The following TMEM94 variants were observed in gnomAD, a reference collection of about 807,000 sequenced individuals.
TMEM94 encodes transmembrane protein 94.
A neutral mutation model predicts 158.6 loss-of-function variants in TMEM94; 81 were observed. The ratio of observed to expected loss-of-function variants is 0.51; its 90% CI spans 0.43 to 0.61. TMEM94 has a LOEUF of 0.61. Among genes scored for constraint, TMEM94 ranks in the 20% least tolerant of loss-of-function variants. TMEM94 has a pLI of 0.00. For missense variants in TMEM94, 1,435 were observed against 1,762.0 expected, an observed-to-expected ratio of 0.81 and a Z score of 3.32; for synonymous variants, 751 against 730.7, an observed-to-expected ratio of 1.03 and a Z score of -0.45.
chr17:75,494,721 G>A lies in TMEM94; in HGVS notation c.2502G>A (p.Arg834=). 5 of 1,613,752 alleles carry A rather than the reference G, an allele frequency of 3.1e-6. No individual in the cohort carries two copies. Among genetic ancestry groups the A allele is most frequent in the Non-Finnish European group, 4.2e-6 (5 of 1,180,028 alleles). Residue 834 remains arginine (R), a synonymous_variant, in exon 19 of 32, where the codon CGG becomes CGA. Coordinates refer to ENST00000314256, the MANE Select transcript of TMEM94 (RefSeq NM_014738.6). The part of the protein sequence containing the change: ...MGMVSSQYQA[R]LDIVRLIDGL... ...TGGTGTCCTCCCAGTACCAGGCCCG[G>A]CTGGACATCGTGCGCCTCATTGATG...
chr17:75,489,425 G>C lies in TMEM94; in HGVS notation c.867+57G>C, dbSNP rs2051937175. 1 of 1,565,876 alleles carries C rather than the reference G, an allele frequency of 6.4e-7. No homozygotes were observed. Among genetic ancestry groups the C allele is most frequent in the Non-Finnish European group, 8.8e-7 (1 of 1,136,784 alleles). ...GGGGCAGAGGAGAGGGCTGGACACG[G>C]GGGGGTCTCAGGGCCACTCACATGA... On this transcript the variant is annotated intron_variant, in intron 8 of 31. Coordinates refer to ENST00000314256, the MANE Select transcript of TMEM94 (RefSeq NM_014738.6). This position sits in a 1 kb window ranked among gnomAD's most constrained non-coding sequence, Gnocchi z 5.0.
chr17:75,500,118 A>C lies in TMEM94; in HGVS notation c.*784A>C, dbSNP rs1479173264. 6.6e-6 allele frequency: 1 copy of C among 152,394 alleles called. No individual in the cohort carries two copies. The highest frequency in any genetic ancestry group is 1.5e-5 in the Non-Finnish European group (1 of 68,092). The allele number at this position is 152,394 out of a possible 1,614,324, so 9.4% of individuals were successfully genotyped here. On this transcript the variant is annotated 3_prime_UTR_variant, in exon 32 of 32. Coordinates refer to ENST00000314256, the MANE Select transcript of TMEM94 (RefSeq NM_014738.6). ...TGTGGCTGGTCTGTAAGGCCACTCC[A>C]GGGTCTGCCCACCCCCGGCGGTGGC...
chr17:75,463,548 G>T (rs548412174), intron 1 of TMEM94, among the ~76,000 whole-genome samples: 1 of 152,278 alleles, frequency 6.6e-6, no homozygotes, highest in South Asian at 2.1e-4. Flanking sequence ...CTCGTCTGTT[G>T]TTAGGGACAC....
intron 23 of TMEM94, 61 bp downstream of exon 23, chr17:75,496,135 TGGGCCTGCGTG>T: frequency 6.6e-7 from 1 of 1,509,970 alleles, no homozygotes; most frequent in South Asian, 1.2e-5. Flanking sequence ...GAGGATCAGA[TGGGCCTGCGTG>T]GGGCTGGGGG....
At position 75,498,808 on chromosome 17, in the gene TMEM94, G is replaced by T; in HGVS notation, c.3827+86G>T. On this transcript the variant is annotated intron_variant, in intron 30 of 31. Transcript: ENST00000314256. This position sits in a 1 kb window ranked among gnomAD's most constrained non-coding sequence, Gnocchi z 6.7. ...GCTAGGATCGGAGGGCGGGACCGGG[G>T]CCAGTGGTTTAACTGTACCCTGCCT... 1 of 1,523,562 alleles carries T rather than the reference G, an allele frequency of 6.6e-7. No individual in the cohort carries two copies. The highest frequency in any genetic ancestry group is 8.8e-7 in the Non-Finnish European group (1 of 1,134,204). 94.4% of individuals were successfully genotyped at this position (1,523,562 alleles called of 1,614,324 possible).
At chr17:75,486,182 C>T in intron 4 of TMEM94, 108 bp from the exon 5 acceptor site, 1 of 1,523,256 alleles carries the variant, frequency 6.6e-7, no homozygotes, top group Non-Finnish European at 8.9e-7. Context: ...CAGAACGGGA[C>T]AGTCTTTCCA....
chr17:75,492,037 G>A lies in TMEM94; in HGVS notation c.1596+137G>A. The A allele has an allele frequency of 1.0e-6, 1 of 954,916 alleles. No individual in the cohort carries two copies. The highest frequency in any genetic ancestry group is 1.6e-6 in the Non-Finnish European group (1 of 640,496). 59.2% of individuals were successfully genotyped at this position (954,916 alleles called of 1,614,324 possible). On this transcript the variant is annotated intron_variant, in intron 14 of 31. Coordinates refer to ENST00000314256, the MANE Select transcript of TMEM94 (RefSeq NM_014738.6). The surrounding 1 kb of genome is among the most constrained non-coding windows in gnomAD (Gnocchi z 4.4). ...GTCCCAGCACCTCCAGGCTAGGCCA[G>A]TGGTCCCTGAGGCCCTCCCCAAGTC...
Position 75,490,261 on chromosome 17 carries a change from C to G in TMEM94, c.982C>G (p.Leu328Val). The G allele has an allele frequency of 6.2e-7, 1 of 1,614,150 alleles. No individual in the cohort carries two copies. Among genetic ancestry groups the G allele is most frequent in the South Asian group, 1.1e-5 (1 of 91,090 alleles). ...GAATGGCGTCCTGCCCATCCTCCCCCTGCTCTTTCCAGTCCTCTGGGTTCT... is the reference window on the plus strand; with the variant it reads ...GAATGGCGTCCTGCCCATCCTCCCCGTGCTCTTTCCAGTCCTCTGGGTTCT... ...QVNGVLPILP[L>V]LFPVLWVLAT... The change falls in exon 10 of 32, where the codon CTG becomes GTG. Residue 328 changes from leucine to valine, a missense_variant. Leu to Val is a conservative substitution (Grantham distance 32). Transcript: ENST00000314256.
Position 75,487,902 on chromosome 17 carries a change from G to T in TMEM94, c.410-30G>T. 1 of 1,591,962 alleles carries T rather than the reference G, an allele frequency of 6.3e-7. No homozygotes were observed. Among genetic ancestry groups the T allele is most frequent in the South Asian group, 1.1e-5 (1 of 90,518 alleles). Reference sequence around the variant, plus strand: ...CTGGGGGGCAGGGCCGTGGCTGAGAGGGTTGTTTCCCTCTTTCCATTCCCC... The same window carrying T: ...CTGGGGGGCAGGGCCGTGGCTGAGATGGTTGTTTCCCTCTTTCCATTCCCC... On this transcript the variant is annotated intron_variant, in intron 5 of 31. Coordinates refer to ENST00000314256, the MANE Select transcript of TMEM94 (RefSeq NM_014738.6). This position sits in a 1 kb window ranked among gnomAD's most constrained non-coding sequence, Gnocchi z 4.6.
Position 75,485,898 on chromosome 17 carries a change from C to T in TMEM94, c.172C>T (p.His58Tyr), listed in dbSNP as rs1385884150. ...KEVWRSSFLH[H>Y]SNRCSCFHWP... Reference sequence around the variant, plus strand: ...GGTGTGGAGAAGCAGCTTCCTCCACCACAGTAACCGCTGCTCCTGCTTCCA... The same window carrying T: ...GGTGTGGAGAAGCAGCTTCCTCCACTACAGTAACCGCTGCTCCTGCTTCCA... The change falls in exon 4 of 32, where the codon CAC becomes TAC. Residue 58 changes from histidine to tyrosine, a missense_variant. Physicochemically the swap from His to Tyr is moderately conservative, Grantham distance 83. Transcript: ENST00000314256. The surrounding 1 kb of genome is among the most constrained non-coding windows in gnomAD (Gnocchi z 5.5). 1 of 1,613,230 alleles carries T rather than the reference C, an allele frequency of 6.2e-7. No homozygotes were observed.
At chr17:75,481,283 T>C (rs9900716) in intron 2 of TMEM94, among the ~76,000 whole-genome samples, 131,090 of 152,292 alleles carry the variant, frequency 0.86, 57,041 homozygotes, top group Middle Eastern at 0.94. Context: ...GGGTGTGAGG[T>C]CCCCGCCGGG....
At position 75,463,121 on chromosome 17, in the gene TMEM94, TATATAC is replaced by T. The variant is rs1461807914; in HGVS notation, c.-107+6371_-107+6376del. 3.1e-3 allele frequency among the ~76,000 whole-genome samples: 14 copies of T among 4,488 alleles called. 3 individuals are homozygous for T. Among genetic ancestry groups the T allele is most frequent in the Non-Finnish European group, 8.7e-3 (11 of 1,262 alleles). 2.9% of individuals were successfully genotyped at this position (4,488 alleles called of 152,430 possible). The stretch of plus-strand genomic sequence containing the variant: ...ATATATGTGTGTATATATATGTATA[TATATAC>T]GTGTATATATGTATATATATACACG... On this transcript the variant is annotated intron_variant, in intron 1 of 31. Transcript: ENST00000314256.
intron 4 of TMEM94, 31 bp from the exon 5 acceptor site, chr17:75,486,259 T>C (rs2051595792): frequency 1.9e-6 from 3 of 1,613,368 alleles, no homozygotes; most frequent in Non-Finnish European, 2.5e-6. Flanking sequence ...CCTCACTCCC[T>C]GTGGGTGCGG....
At chr17:75,472,153 G>T (rs934264533) in intron 2 of TMEM94, among the ~76,000 whole-genome samples, 1 of 152,194 alleles carries the variant, frequency 6.6e-6, no homozygotes, top group South Asian at 2.1e-4. Context: ...TAACACAACC[G>T]CATGGGAGCA....
chr17:75,493,273 T>G (rs531486665), intron 16 of TMEM94, 171 bp downstream of exon 16: 59 of 878,900 alleles, frequency 6.7e-5, no homozygotes, highest in Non-Finnish European at 1.0e-4. Context: ...TGGGATGGTG[T>G]TGGCTGCAGA....
Position 75,485,867 on chromosome 17 carries a change from C to T in TMEM94, c.145-4C>T. ...ATTGTCCCCTCCCTGTCCGAACTTC[C>T]CAGGAGGTGTGGAGAAGCAGCTTCC... On this transcript the variant is annotated splice_region_variant and splice_polypyrimidine_tract_variant and intron_variant, in intron 3 of 31. Transcript: ENST00000314256. This position sits in a 1 kb window ranked among gnomAD's most constrained non-coding sequence, Gnocchi z 5.5. The T allele has an allele frequency of 1.9e-6, 3 of 1,609,726 alleles. No homozygotes were observed. Among genetic ancestry groups the T allele is most frequent in the Non-Finnish European group, 1.7e-6 (2 of 1,177,704 alleles).
At chr17:75,481,968 A>G (rs567293864) in intron 2 of TMEM94, among the ~76,000 whole-genome samples, 2 of 152,256 alleles carry the variant, frequency 1.3e-5, no homozygotes, top group South Asian at 4.1e-4. Context: ...ACAGCACTTT[A>G]GCAGGCTGAG....
Position 75,490,689 on chromosome 17 carries a change from T to G in TMEM94, c.1072-13T>G. 12 of 1,613,498 alleles carry G rather than the reference T, an allele frequency of 7.4e-6. No homozygotes were observed. The highest frequency in any genetic ancestry group is 1.0e-5 in the Non-Finnish European group (12 of 1,179,530). ...GTTTTCCTCACTGAGGACCTCACCC[T>G]CTCTCCGTGCAGCTGGCTAAGTTCT... On this transcript the variant is annotated splice_polypyrimidine_tract_variant and intron_variant, in intron 10 of 31. Coordinates refer to ENST00000314256, the MANE Select transcript of TMEM94 (RefSeq NM_014738.6).
Position 75,491,137 on chromosome 17 carries a change from G to C in TMEM94, c.1217G>C (p.Ser406Thr). ...AGCCACAGTTCCAGCCTGCTGCACA[G>C]CCTGGGCTCTGTCACGGTGAGGGTG... ...TLSHSSSLLH[S>T]LGSVTVLCCV... Residue 406 changes from serine to threonine, a missense_variant, in exon 12 of 32, where the codon AGC becomes ACC. Transcript: ENST00000314256. This position sits in a 1 kb window ranked among gnomAD's most constrained non-coding sequence, Gnocchi z 5.1. 1.2e-6 allele frequency: 2 copies of C among 1,611,532 alleles called. No individual in the cohort carries two copies. The highest frequency in any genetic ancestry group is 3.3e-5 in the Admixed American group (2 of 59,820).
Sources: allele counts gnomAD v4.1 joint callset (sites outside exome capture counted in the v4.1 genomes callset), GRCh38; gene constraint gnomAD v4.1.1; non-coding constraint Gnocchi (gnomAD v3.1); transcripts MANE v1.5; gene names NCBI Gene and HGNC (gene_info 2026-07-23, HGNC 2026-07-21).